The following BTAF1 variants were observed in gnomAD, a reference collection of about 807,000 sequenced individuals.
The protein encoded by BTAF1 is B-TFIID TATA-box binding protein associated factor 1.
BTAF1 carries 38 observed loss-of-function variants against 227.1 expected under a neutral mutation model. That is an observed-to-expected ratio of 0.17 (90% CI 0.13 to 0.22). The LOEUF is 0.22. Ranked by LOEUF, BTAF1 falls within the 10% of genes least tolerant of loss-of-function variation. BTAF1 has a pLI of 1.00. For synonymous variants in BTAF1, 742 were observed against 751.9 expected, an observed-to-expected ratio of 0.99 and a Z score of 0.21; for missense variants, 1,598 against 2,204.0, an observed-to-expected ratio of 0.73 and a Z score of 5.51.
chr10:91,958,693 A>G (rs1268374976), intron 8 of BTAF1, among the ~76,000 whole-genome samples: 4 of 152,044 alleles, frequency 2.6e-5, no homozygotes, highest in Non-Finnish European at 4.4e-5. Flanking sequence ...ACAGAGTGAG[A>G]CTCCATCTCG....
chr10:91,938,866 A>G (rs564920643), intron 2 of BTAF1, among the ~76,000 whole-genome samples: 3 of 152,194 alleles, frequency 2.0e-5, no homozygotes, highest in African/African-American at 7.2e-5. Context: ...TCTAAAAAAT[A>G]AAAATAAAAA....
intron 19 of BTAF1, among the ~76,000 whole-genome samples, chr10:91,987,490 AAAAG>A (rs781300471): frequency 2.6e-5 from 4 of 152,030 alleles, no homozygotes; most frequent in Non-Finnish European, 4.4e-5. Flanking sequence ...CTCAAAAAAA[AAAAG>A]AAAGTCTCAT....
intron 1 of BTAF1, among the ~76,000 whole-genome samples, chr10:91,930,277 C>G (rs1438863826): frequency 6.6e-6 from 1 of 152,102 alleles, no homozygotes; most frequent in Non-Finnish European, 1.5e-5. Context: ...GTTGTTCGAT[C>G]AGGGATGGAG....
chr10:91,942,298 T>TTTTG, intron 3 of BTAF1, 124 bp from the exon 4 acceptor site: 1 of 545,504 alleles, frequency 1.8e-6, no homozygotes, highest in Non-Finnish European at 3.0e-6. Context: ...AAAAAAAAGT[T>TTTTG]TGTGTGTGTG....
intron 25 of BTAF1, among the ~76,000 whole-genome samples, chr10:92,000,671 C>T (rs545437438): frequency 6.6e-6 from 1 of 152,198 alleles, no homozygotes; most frequent in African/African-American, 2.4e-5. Flanking sequence ...AATTCTCCTG[C>T]CTCAGCCTCC....
At chr10:91,950,484 A>T (rs899476144) in intron 4 of BTAF1, among the ~76,000 whole-genome samples, 1 of 151,736 alleles carries the variant, frequency 6.6e-6, no homozygotes, top group Non-Finnish European at 1.5e-5. Flanking sequence ...AAAATATCAA[A>T]TTTTTTTCAG....
intron 1 of BTAF1, among the ~76,000 whole-genome samples, chr10:91,931,212 C>G (rs976200434): frequency 9.2e-5 from 14 of 152,120 alleles, no homozygotes; most frequent in African/African-American, 2.9e-4. Flanking sequence ...TCTAGGCAGT[C>G]TTTAGAACAG....
In BTAF1 at chr10:91,959,163, A is replaced by G; in HGVS notation, c.990+9A>G. The G allele has an allele frequency of 6.2e-7, 1 of 1,613,934 alleles. No individual in the cohort carries two copies. Among genetic ancestry groups the G allele is most frequent in the Non-Finnish European group, 8.5e-7 (1 of 1,179,916 alleles). On this transcript the variant is annotated intron_variant, in intron 9 of 37. Coordinates refer to ENST00000265990, the MANE Select transcript of BTAF1 (RefSeq NM_003972.3). ...ACAGCACTTTAGAAGAGGTAAGTGT[A>G]TTAATGCAACAATTATCACCAAGTA... is the stretch of plus-strand genomic sequence containing the variant.
At chr10:91,933,676 T>C (rs527286059) in intron 1 of BTAF1, among the ~76,000 whole-genome samples, 75 of 152,312 alleles carry the variant, frequency 4.9e-4, no homozygotes, top group South Asian at 1.2e-3. Flanking sequence ...ATTGGTGACC[T>C]TCAGGTGTGG....
At chr10:91,980,110 T>C (rs1170033385) in intron 14 of BTAF1, among the ~76,000 whole-genome samples, 2 of 152,160 alleles carry the variant, frequency 1.3e-5, no homozygotes, top group African/African-American at 4.8e-5. Context: ...TAGATTTTCT[T>C]GACAAAGCAG....
intron 19 of BTAF1, among the ~76,000 whole-genome samples, chr10:91,987,171 G>C (rs568892863): frequency 7.2e-6 from 1 of 138,332 alleles, no homozygotes; most frequent in East Asian, 2.1e-4. Flanking sequence ...AATCTTGTCA[G>C]CATTTTCTTT....
intron 25 of BTAF1, among the ~76,000 whole-genome samples, chr10:92,006,542 T>C (rs1849899586): frequency 3.3e-5 from 5 of 152,328 alleles, no homozygotes; most frequent in Non-Finnish European, 4.4e-5. Flanking sequence ...TTGGAAAATA[T>C]TGGTTCATTG....
intron 1 of BTAF1, among the ~76,000 whole-genome samples, chr10:91,929,937 A>C (rs1281237269): frequency 6.6e-6 from 1 of 152,202 alleles, no homozygotes; most frequent in African/African-American, 2.4e-5. Flanking sequence ...TACTTTAAAA[A>C]TTTAGAGATA....
Position 91,964,074 on chromosome 10 carries a change from T to C in BTAF1, c.1405-3T>C, listed in dbSNP as rs150441882. 105 of 1,611,846 alleles carry C rather than the reference T, an allele frequency of 6.5e-5. No homozygotes were observed. In the Admixed American group the frequency reaches 1.1e-3, roughly 18 times the overall value. ...TAACTTTTCTTGAAAACTGATCTTATAGGTGCCCTTCATTATAAATACATT... is the reference window on the plus strand; with the variant it reads ...TAACTTTTCTTGAAAACTGATCTTACAGGTGCCCTTCATTATAAATACATT... On this transcript the variant is annotated splice_region_variant and splice_polypyrimidine_tract_variant and intron_variant, in intron 12 of 37. Transcript: ENST00000265990.
chr10:91,945,935 T>G (rs929899990), intron 4 of BTAF1, among the ~76,000 whole-genome samples: 1 of 152,244 alleles, frequency 6.6e-6, no homozygotes, highest in Admixed American at 6.5e-5. Context: ...TCTACATCCT[T>G]GCCAACTCTT....
At chr10:91,926,721 T>C (rs1843860705) in intron 1 of BTAF1, among the ~76,000 whole-genome samples, 1 of 152,244 alleles carries the variant, frequency 6.6e-6, no homozygotes, top group African/African-American at 2.4e-5. Context: ...TGTATCAATG[T>C]ATTTGGTATT....
intron 25 of BTAF1, among the ~76,000 whole-genome samples, chr10:91,998,022 G>C (rs1437376413): frequency 6.6e-6 from 1 of 151,626 alleles, no homozygotes; most frequent in Non-Finnish European, 1.5e-5. Context: ...AGCTACTCGG[G>C]ATGCTGAGAC....
At position 91,951,429 on chromosome 10, in the gene BTAF1, G is replaced by T. The variant is rs200818222; in HGVS notation, c.427G>T (p.Ala143Ser). 6.2e-7 allele frequency: 1 copy of T among 1,612,440 alleles called. No individual in the cohort carries two copies. Among genetic ancestry groups the T allele is most frequent in the African/African-American group, 1.3e-5 (1 of 74,846 alleles). ...SGEVDPKERIARQRKLLQKKL... is the reference protein window; with the variant it reads ...SGEVDPKERISRQRKLLQKKL... ...TGAAGTGGATCCTAAAGAGAGGATA[G>T]CACGCCAACGAAAATTATTACAGAA... Residue 143 changes from alanine (A) to serine (S), a missense_variant, in exon 5 of 38, where the codon GCA becomes TCA. Around this residue, in one of 10 missense-constraint regions of BTAF1, gnomAD observed 298 missense variants for 395.2 expected, o/e 0.75. Coordinates refer to ENST00000265990, the MANE Select transcript of BTAF1 (RefSeq NM_003972.3).
chr10:91,990,036 T>C (rs1474906981), intron 20 of BTAF1, among the ~76,000 whole-genome samples: 4 of 152,350 alleles, frequency 2.6e-5, no homozygotes, highest in African/African-American at 4.8e-5. Context: ...TAGTGAACTT[T>C]TAGTACTTTT....
Sources: allele counts gnomAD v4.1 joint callset (sites outside exome capture counted in the v4.1 genomes callset), GRCh38; gene constraint gnomAD v4.1.1; regional missense constraint gnomAD v4.1.1; transcripts MANE v1.5; gene names NCBI Gene and HGNC (gene_info 2026-07-23, HGNC 2026-07-21).